The following ZMIZ1 variants were observed in gnomAD, a reference collection of about 807,000 sequenced individuals.
ZMIZ1 encodes zinc finger MIZ-type containing 1.
Under a neutral mutation model 113.9 loss-of-function variants are expected in ZMIZ1, and 17 were observed. The ratio of observed to expected loss-of-function variants is 0.15; its 90% CI spans 0.10 to 0.22. The LOEUF (loss-of-function observed/expected upper bound fraction) is 0.22. ZMIZ1 is among the 10% of genes least tolerant of loss of function. The pLI, the probability that ZMIZ1 is intolerant of heterozygous loss-of-function variation, is 1.00. For missense variants in ZMIZ1, 1,059 were observed against 1,477.8 expected, an observed-to-expected ratio of 0.72 and a Z score of 4.65; for synonymous variants, 607 against 603.1, an observed-to-expected ratio of 1.01 and a Z score of -0.09.
chr10:79,071,310 G>C (rs1210701964), intron 1 of ZMIZ1, among the ~76,000 whole-genome samples: 1 of 152,246 alleles, frequency 6.6e-6, no homozygotes, highest in Non-Finnish European at 1.5e-5. Flanking sequence ...CCTCCTCCCT[G>C]GTGGGTGTGA....
chr10:79,259,714 C>G (rs1851143957), intron 7 of ZMIZ1, among the ~76,000 whole-genome samples: 1 of 151,442 alleles, frequency 6.6e-6, no homozygotes, highest in African/African-American at 2.4e-5. Flanking sequence ...CTCCCAGGTT[C>G]AAGTGATTCT....
chr10:79,080,644 GGCTGTGAAGCTGTGA>G, intron 1 of ZMIZ1, among the ~76,000 whole-genome samples: 1 of 152,266 alleles, frequency 6.6e-6, no homozygotes, highest in Non-Finnish European at 1.5e-5. Flanking sequence ...TTGGCGATGG[GGCTGTGAAGCTGTGA>G]GTTTGACGTC....
intron 24 of ZMIZ1, 56 bp from the exon 25 acceptor site, chr10:79,312,586 C>T (rs1855261385): frequency 1.1e-5 from 18 of 1,589,146 alleles, no homozygotes; most frequent in African/African-American, 4.0e-5. Context: ...ATTCCTCACC[C>T]GGGGCCTGCC....
chr10:79,074,382 G>A (rs1423664164), intron 1 of ZMIZ1, among the ~76,000 whole-genome samples: 1 of 152,194 alleles, frequency 6.6e-6, no homozygotes, highest in African/African-American at 2.4e-5. Flanking sequence ...TCACAGATGG[G>A]CCTCACCTGT....
intron 3 of ZMIZ1, among the ~76,000 whole-genome samples, chr10:79,142,231 G>A (rs1343426261): frequency 6.6e-6 from 1 of 152,158 alleles, no homozygotes. Flanking sequence ...AAAGATTGAG[G>A]GGGCAGCTGG....
chr10:79,292,350 T>C lies in ZMIZ1; in HGVS notation c.951T>C (p.Tyr317=), dbSNP rs1229006308. The C allele has an allele frequency of 1.2e-6, 2 of 1,607,180 alleles. No homozygotes were observed. The highest frequency in any genetic ancestry group is 2.2e-5 in the South Asian group (2 of 90,884). ...QETQNKDINQ[Y]GPMGPTQAYN... Reference sequence around the variant, plus strand: ...CACAGAACAAGGATATAAACCAGTATGGACCGGTAAGGGTTCCCACTAATC... The same window carrying C: ...CACAGAACAAGGATATAAACCAGTACGGACCGGTAAGGGTTCCCACTAATC... Residue 317 remains tyrosine (Y), a synonymous_variant, in exon 11 of 25, where the codon TAT becomes TAC. Transcript: ENST00000334512.
chr10:79,204,654 G>T (rs1848238065), intron 5 of ZMIZ1, among the ~76,000 whole-genome samples: 1 of 152,200 alleles, frequency 6.6e-6, no homozygotes, highest in Admixed American at 6.5e-5. Context: ...ACAGAGTCTA[G>T]CATAGCATCC....
chr10:79,239,144 C>T (rs1849709061), intron 7 of ZMIZ1, among the ~76,000 whole-genome samples: 1 of 150,714 alleles, frequency 6.6e-6, no homozygotes, highest in Non-Finnish European at 1.5e-5. Flanking sequence ...AGAGTTTATG[C>T]CCTGACCCCT....
At chr10:79,252,129 G>A (rs1288761334) in intron 7 of ZMIZ1, among the ~76,000 whole-genome samples, 2 of 152,140 alleles carry the variant, frequency 1.3e-5, no homozygotes, top group African/African-American at 4.8e-5. Context: ...TCCTTCGACT[G>A]CTGCTGCCCA....
intron 2 of ZMIZ1, among the ~76,000 whole-genome samples, chr10:79,124,351 C>A (rs925130888): frequency 6.6e-6 from 1 of 152,210 alleles, no homozygotes; most frequent in Non-Finnish European, 1.5e-5. Flanking sequence ...ACTCAAAGCA[C>A]AGAGAGGTTA....
intron 7 of ZMIZ1, among the ~76,000 whole-genome samples, chr10:79,246,643 G>A (rs1036928963): frequency 2.6e-5 from 4 of 152,160 alleles, no homozygotes; most frequent in South Asian, 2.1e-4. Context: ...CCGCCACACC[G>A]TGTCACAGAG....
intron 20 of ZMIZ1, 59 bp downstream of exon 20, chr10:79,305,290 G>A (rs988679392): frequency 3.2e-6 from 5 of 1,573,234 alleles, no homozygotes; most frequent in African/African-American, 2.7e-5. Flanking sequence ...GACGGGAGGG[G>A]CCAGCTACCT....
chr10:79,141,564 T>C (rs1186273266), intron 3 of ZMIZ1, among the ~76,000 whole-genome samples: 1 of 152,126 alleles, frequency 6.6e-6, no homozygotes, highest in African/African-American at 2.4e-5. Context: ...CACACCATCA[T>C]GCCTGGCTAA....
chr10:79,140,337 A>G (rs977279725), intron 3 of ZMIZ1, among the ~76,000 whole-genome samples: 1 of 152,226 alleles, frequency 6.6e-6, no homozygotes, highest in Non-Finnish European at 1.5e-5. Context: ...TTTTCAGACC[A>G]CGAGAACAAG....
chr10:79,235,320 G>A (rs1186787129), intron 7 of ZMIZ1, among the ~76,000 whole-genome samples: 2 of 152,216 alleles, frequency 1.3e-5, no homozygotes, highest in Admixed American at 6.5e-5. Context: ...GCTGCACCGG[G>A]TGATGAAGGA....
rs116833631 is a variant in ZMIZ1, at chr10:79,166,616, G to A, written c.-50+4483G>A. ...AGGCGGCCTGTGCCCACTAACAAGG[G>A]GTGGTTGGAAACCTGGCATCTCCCT... is the stretch of plus-strand genomic sequence containing the variant. On this transcript the variant is annotated intron_variant, in intron 4 of 24. Coordinates refer to ENST00000334512, the MANE Select transcript of ZMIZ1 (RefSeq NM_020338.4). Among the ~76,000 whole-genome samples, 623 of 152,356 alleles carry A rather than the reference G, an allele frequency of 4.1e-3. 3 individuals carry two copies. Among genetic ancestry groups the A allele is most frequent in the African/African-American group, 0.014 (597 of 41,586 alleles).
chr10:79,303,145 C>G (rs1854443474), intron 18 of ZMIZ1, among the ~76,000 whole-genome samples: 1 of 152,018 alleles, frequency 6.6e-6, no homozygotes, highest in Admixed American at 6.5e-5. Context: ...CAGGCGCGAG[C>G]CACCACACCT....
At position 79,312,923 on chromosome 10, in the gene ZMIZ1, G is replaced by A. The variant is rs1007518289; in HGVS notation, c.*174G>A. On this transcript the variant is annotated 3_prime_UTR_variant, in exon 25 of 25. Coordinates refer to ENST00000334512, the MANE Select transcript of ZMIZ1 (RefSeq NM_020338.4). Reference sequence around the variant, plus strand: ...CTCAGAACAGAGGGGTAGGGAGGGTGCACCAGTGCACCAGGAAGGCTGTGT... The same window carrying A: ...CTCAGAACAGAGGGGTAGGGAGGGTACACCAGTGCACCAGGAAGGCTGTGT... The A allele has an allele frequency of 1.6e-6, 1 of 608,010 alleles. No individual in the cohort carries two copies. 37.7% of individuals were successfully genotyped at this position (608,010 alleles called of 1,614,324 possible). A position where few individuals can be genotyped will look rare whatever the true frequency, so the allele number is the denominator to read the frequency against.
chr10:79,120,769 TG>T (rs1844256782), intron 2 of ZMIZ1, among the ~76,000 whole-genome samples: 4 of 152,332 alleles, frequency 2.6e-5, no homozygotes, highest in African/African-American at 9.6e-5. Flanking sequence ...AGTGGGGATG[TG>T]GGGGCTGTTC....
Sources: allele counts gnomAD v4.1 joint callset (sites outside exome capture counted in the v4.1 genomes callset), GRCh38; gene constraint gnomAD v4.1.1; transcripts MANE v1.5; gene names NCBI Gene and HGNC (gene_info 2026-07-23, HGNC 2026-07-21).